FAF2: variants seen among roughly 807,000 people sequenced by gnomAD.
The protein encoded by FAF2 is FAS-associated factor 2.
FAF2 carries 9 observed loss-of-function variants against 62.3 expected under a neutral mutation model. The observed-to-expected ratio is 0.14, with a 90% confidence interval of 0.09 to 0.25. The LOEUF (loss-of-function observed/expected upper bound fraction) is 0.25, where lower values mean the gene tolerates loss of function less well. FAF2 is among the 10% of genes least tolerant of loss of function. FAF2 has a pLI of 1.00. For missense variants in FAF2, 368 were observed against 556.2 expected, an observed-to-expected ratio of 0.66 and a Z score of 3.40; for synonymous variants, 202 against 198.0, an observed-to-expected ratio of 1.02 and a Z score of -0.17.
At chr5:176,467,085 A>T (rs1037939465) in intron 1 of FAF2, among the ~76,000 whole-genome samples, 1 of 151,246 alleles carries the variant, frequency 6.6e-6, no homozygotes, top group South Asian at 2.1e-4. Context: ...TTTTCTCAGT[A>T]AGACAGACTG....
intron 8 of FAF2, among the ~76,000 whole-genome samples, chr5:176,497,898 C>T (rs961384860): frequency 1.3e-5 from 2 of 152,092 alleles, no homozygotes; most frequent in Non-Finnish European, 2.9e-5. Context: ...ACCTGTAATC[C>T]GAGCATTTCG....
intron 7 of FAF2, among the ~76,000 whole-genome samples, chr5:176,495,289 C>T (rs1438020386): frequency 6.6e-6 from 1 of 152,116 alleles, no homozygotes; most frequent in Non-Finnish European, 1.5e-5. Flanking sequence ...TCCCTGCATC[C>T]CAGAGTCTGA....
chr5:176,503,414 G>A (rs1300283461), intron 10 of FAF2, among the ~76,000 whole-genome samples: 1 of 152,074 alleles, frequency 6.6e-6, no homozygotes, highest in Non-Finnish European at 1.5e-5. Context: ...AATTAGCCAG[G>A]CATGATGGCG....
At chr5:176,451,903 T>A (rs1280998785) in intron 1 of FAF2, among the ~76,000 whole-genome samples, 61 of 51,860 alleles carry the variant, frequency 1.2e-3, no homozygotes, top group African/African-American at 4.2e-3. Flanking sequence ...TTTTTTTTTT[T>A]TTTTTTTTTT....
chr5:176,500,353 C>T (rs1024546544), intron 10 of FAF2, among the ~76,000 whole-genome samples: 2 of 152,172 alleles, frequency 1.3e-5, no homozygotes, highest in African/African-American at 4.8e-5. Flanking sequence ...TAGTTTCCAA[C>T]TCAAAGCAAT....
intron 1 of FAF2, among the ~76,000 whole-genome samples, chr5:176,472,719 C>CAAAAAAA: frequency 9.2e-6 from 1 of 108,516 alleles, no homozygotes; most frequent in Non-Finnish European, 2.0e-5. Context: ...TTCATCTCTA[C>CAAAAAAA]AAAAAAAAAA....
Position 176,463,740 on chromosome 5 carries a change from T to TC in FAF2, c.63+15270_63+15271insC, listed in dbSNP as rs1664924897. 2.0e-5 allele frequency among the ~76,000 whole-genome samples: 3 copies of TC among 151,566 alleles called. No individual in the cohort carries two copies. In the South Asian group the frequency reaches 6.3e-4, roughly 32 times the overall value. ...TTATTGCATGTTTTTTTTTTTTTTTTTTTCCTTGAGACAGAGTCTTGCTGT... is the reference window on the plus strand; with the variant it reads ...TTATTGCATGTTTTTTTTTTTTTTTTCTTTCCTTGAGACAGAGTCTTGCTGT... On this transcript the variant is annotated intron_variant, in intron 1 of 10. Coordinates refer to ENST00000261942, the MANE Select transcript of FAF2 (RefSeq NM_014613.3).
intron 10 of FAF2, among the ~76,000 whole-genome samples, chr5:176,505,002 G>A (rs1370754294): frequency 2.1e-5 from 3 of 145,216 alleles, no homozygotes; most frequent in Admixed American, 1.4e-4. Context: ...CAGCCTGGGC[G>A]ACAGAGCAAG....
At chr5:176,449,389 A>G (rs1436118339) in intron 1 of FAF2, among the ~76,000 whole-genome samples, 11 of 152,196 alleles carry the variant, frequency 7.2e-5, no homozygotes, top group South Asian at 2.1e-4. Context: ...ACTCTGGCCA[A>G]TATGGTGAAA....
chr5:176,478,254 A>T (rs921550414), intron 1 of FAF2, among the ~76,000 whole-genome samples: 3 of 152,154 alleles, frequency 2.0e-5, no homozygotes, highest in Non-Finnish European at 2.9e-5. Flanking sequence ...AGGCAAGAGG[A>T]TTGCTTGAGC....
At chr5:176,492,707 C>T (rs1365426938) in intron 5 of FAF2, among the ~76,000 whole-genome samples, 2 of 152,202 alleles carry the variant, frequency 1.3e-5, no homozygotes, top group Non-Finnish European at 2.9e-5. Context: ...GATTATGTCA[C>T]GCCCCACTTA....
chr5:176,472,240 G>A (rs934098824), intron 1 of FAF2, among the ~76,000 whole-genome samples: 1 of 151,780 alleles, frequency 6.6e-6, no homozygotes, highest in Non-Finnish European at 1.5e-5. Context: ...TCCGTCTCCC[G>A]GGTTCAAGCG....
At chr5:176,482,482 G>C (rs1479069590) in intron 2 of FAF2, among the ~76,000 whole-genome samples, 2 of 152,094 alleles carry the variant, frequency 1.3e-5, no homozygotes, top group African/African-American at 4.8e-5. Context: ...CAAATTCCTG[G>C]AATTACAGGC....
intron 1 of FAF2, among the ~76,000 whole-genome samples, chr5:176,459,950 T>G (rs1175561404): frequency 6.6e-6 from 1 of 152,110 alleles, no homozygotes; most frequent in Non-Finnish European, 1.5e-5. Context: ...GTGTACTCAG[T>G]GTTTAGCTCC....
chr5:176,459,871 A>G (rs754339531), intron 1 of FAF2, among the ~76,000 whole-genome samples: 4 of 151,686 alleles, frequency 2.6e-5, no homozygotes, highest in Non-Finnish European at 5.9e-5. Flanking sequence ...ATTTTTCAAC[A>G]CTTGCCCCCC....
At chr5:176,461,394 C>T (rs1758375204) in intron 1 of FAF2, among the ~76,000 whole-genome samples, 1 of 140,130 alleles carries the variant, frequency 7.1e-6, no homozygotes, top group Non-Finnish European at 1.5e-5. Context: ...TGATAGTTCA[C>T]TGTGGCCTCA....
At chr5:176,500,857 G>A (rs1242677665) in intron 10 of FAF2, among the ~76,000 whole-genome samples, 4 of 152,216 alleles carry the variant, frequency 2.6e-5, no homozygotes, top group Admixed American at 1.3e-4. Flanking sequence ...GCTGGGCCCC[G>A]TGCTCATGCC....
Position 176,493,995 on chromosome 5 carries a change from A to C in FAF2, c.484-4A>C, listed in dbSNP as rs200587320. ...AATAGTGAGTGACCTTCTCTTTCTCACAGGCACTTAACGATGCCAAAAGGG... is the reference window on the plus strand; with the variant it reads ...AATAGTGAGTGACCTTCTCTTTCTCCCAGGCACTTAACGATGCCAAAAGGG... On this transcript the variant is annotated splice_polypyrimidine_tract_variant and splice_region_variant and intron_variant, in intron 5 of 10. Transcript: ENST00000261942. The C allele has an allele frequency of 1.9e-6, 3 of 1,609,482 alleles. No individual in the cohort carries two copies. Among genetic ancestry groups the C allele is most frequent in the African/African-American group, 1.3e-5 (1 of 74,850 alleles).
rs182394656 is a variant in FAF2, at chr5:176,509,872, C to A, written c.*2922C>A. 1 of 152,644 alleles carries A rather than the reference C, an allele frequency of 6.6e-6. No individual in the cohort carries two copies. Among genetic ancestry groups the A allele is most frequent in the Non-Finnish European group, 1.5e-5 (1 of 68,042 alleles). 9.5% of individuals were successfully genotyped at this position (152,644 alleles called of 1,614,324 possible). The stretch of plus-strand genomic sequence containing the variant: ...TATCCGGTGCTTGAACAAGGAGCTC[C>A]GCTCTACAACTGGTTTTTTTAGGAC... On this transcript the variant is annotated 3_prime_UTR_variant, in exon 11 of 11. Coordinates refer to ENST00000261942, the MANE Select transcript of FAF2 (RefSeq NM_014613.3).
Sources: allele counts gnomAD v4.1 joint callset (sites outside exome capture counted in the v4.1 genomes callset), GRCh38; gene constraint gnomAD v4.1.1; transcripts MANE v1.5; gene names NCBI Gene and HGNC (gene_info 2026-07-23, HGNC 2026-07-21).